Variants in INSYN2B observed in about 807,000 individuals in gnomAD.
INSYN2B encodes the protein inhibitory synaptic factor family member 2B, also known as protein INSYN2B.
Under a neutral mutation model 41.2 loss-of-function variants are expected in INSYN2B, and 16 were observed. That is an observed-to-expected ratio of 0.39 (90% CI 0.26 to 0.59). The LOEUF (loss-of-function observed/expected upper bound fraction) is 0.59. Among genes scored for constraint, INSYN2B ranks in the 20% least tolerant of loss-of-function variants. INSYN2B has a pLI of 0.57. For synonymous variants in INSYN2B, 245 were observed against 244.4 expected (o/e 1.00, Z -0.02); for missense variants, 608 against 646.4 (o/e 0.94, Z 0.64).
chr5:169,971,768 C>A (rs142159689), intron 1 of INSYN2B, among the ~76,000 whole-genome samples: 87 of 152,374 alleles, frequency 5.7e-4, no homozygotes, highest in African/African-American at 2.0e-3. Context: ...CTATTACCTA[C>A]AAATTGAGGA....
intron 1 of INSYN2B, among the ~76,000 whole-genome samples, chr5:169,965,248 A>AT (rs1777253448): frequency 6.6e-6 from 1 of 152,200 alleles, no homozygotes; most frequent in Admixed American, 6.5e-5. Flanking sequence ...CCACCTGCAG[A>AT]TCTTAGAATC....
chr5:169,903,232 G>A (rs166355), intron 1 of INSYN2B, among the ~76,000 whole-genome samples: 79,398 of 149,368 alleles, frequency 0.53, 21,227 homozygotes, highest in Admixed American at 0.6. Context: ...AGCTATGATC[G>A]CACCTATTAA....
intron 1 of INSYN2B, among the ~76,000 whole-genome samples, chr5:169,915,565 C>G (rs1774828542): frequency 7.4e-6 from 1 of 135,664 alleles, no homozygotes; most frequent in East Asian, 2.1e-4. Context: ...GGAACACACA[C>G]ACACACACAC....
At chr5:169,913,110 T>C (rs548775024) in intron 1 of INSYN2B, among the ~76,000 whole-genome samples, 35 of 152,316 alleles carry the variant, frequency 2.3e-4, no homozygotes, top group Admixed American at 2.0e-3. Context: ...TTCCTGTCAT[T>C]TGAAACAGGT....
intron 3 of INSYN2B, among the ~76,000 whole-genome samples, chr5:169,870,573 TTC>T (rs1771892561): frequency 6.6e-6 from 1 of 152,112 alleles, no homozygotes; most frequent in Non-Finnish European, 1.5e-5. Flanking sequence ...GTGGGTTTTT[TTC>T]TTCTTTTTTT....
chr5:169,881,359 G>A lies in INSYN2B; in HGVS notation c.1421+9C>T. ...GTCTACAGAGCAGGCCTCGCTTGTG[G>A]CCAGGTACCTGTATATGATGCACGC... is the stretch of plus-strand genomic sequence containing the variant. On this transcript the variant is annotated intron_variant, in intron 3 of 3. Transcript: ENST00000377365. 1 of 1,550,558 alleles carries A rather than the reference G, an allele frequency of 6.4e-7. No homozygotes were observed. Among genetic ancestry groups the A allele is most frequent in the Non-Finnish European group, 8.7e-7 (1 of 1,146,004 alleles).
intron 3 of INSYN2B, 100 bp from the exon 4 acceptor site, chr5:169,864,559 G>T: frequency 1.0e-6 from 1 of 980,596 alleles, no homozygotes; most frequent in Non-Finnish European, 1.5e-6. Context: ...CATGAGCTTT[G>T]GGATCAAATC....
intron 1 of INSYN2B, among the ~76,000 whole-genome samples, chr5:169,941,541 G>C (rs1221605963): frequency 6.6e-6 from 1 of 152,202 alleles, no homozygotes; most frequent in Non-Finnish European, 1.5e-5. Context: ...GGCTAGAAAG[G>C]AGAGTGCAAG....
intron 1 of INSYN2B, among the ~76,000 whole-genome samples, chr5:169,896,539 G>A (rs1226586748): frequency 3.3e-5 from 5 of 152,224 alleles, no homozygotes; most frequent in Admixed American, 6.5e-5. Flanking sequence ...GAAGCTGGCT[G>A]TAAGATTTAA....
Position 169,863,189 on chromosome 5 carries a change from C to A in INSYN2B, c.*1084G>T, listed in dbSNP as rs1418483668. On this transcript the variant is annotated 3_prime_UTR_variant, in exon 4 of 4. Coordinates refer to ENST00000377365, the MANE Select transcript of INSYN2B (RefSeq NM_001129891.3). Reference sequence around the variant, plus strand: ...ACTTTGGGATGGAAAGATATTTAAACCTCAAATAGAAAAAACTATATCCTC... The same window carrying A: ...ACTTTGGGATGGAAAGATATTTAAAACTCAAATAGAAAAAACTATATCCTC... Among the ~76,000 whole-genome samples, 1 of 152,150 alleles carries A rather than the reference C, an allele frequency of 6.6e-6. No individual in the cohort carries two copies. Among genetic ancestry groups the A allele is most frequent in the Non-Finnish European group, 1.5e-5 (1 of 68,022 alleles).
At chr5:169,949,281 T>C (rs1441629191) in intron 1 of INSYN2B, among the ~76,000 whole-genome samples, 1 of 152,162 alleles carries the variant, frequency 6.6e-6, no homozygotes. Flanking sequence ...CCTCCTGTTC[T>C]TTACTTCCCA....
At chr5:169,964,990 A>G (rs1777241122) in intron 1 of INSYN2B, among the ~76,000 whole-genome samples, 1 of 152,172 alleles carries the variant, frequency 6.6e-6, no homozygotes, top group African/African-American at 2.4e-5. Context: ...GCTCCTTGAG[A>G]GAAGGAGCCA....
intron 1 of INSYN2B, among the ~76,000 whole-genome samples, chr5:169,951,036 C>T (rs528977345): frequency 3.3e-5 from 5 of 152,318 alleles, no homozygotes; most frequent in South Asian, 2.1e-4. Flanking sequence ...CCAGCGTCAC[C>T]GGTCCTGCAT....
chr5:169,959,792 A>G (rs1777009884), intron 1 of INSYN2B, among the ~76,000 whole-genome samples: 2 of 152,208 alleles, frequency 1.3e-5, no homozygotes, highest in Non-Finnish European at 2.9e-5. Context: ...ATCTAGAAGT[A>G]GTTCTGTGGA....
chr5:169,941,139 G>A (rs1402793416), intron 1 of INSYN2B, among the ~76,000 whole-genome samples: 1 of 152,148 alleles, frequency 6.6e-6, no homozygotes, highest in African/African-American at 2.4e-5. Context: ...ACAGGGTGTC[G>A]GGAGAGCAGA....
At chr5:169,974,181 G>A (rs1178975482) in intron 1 of INSYN2B, among the ~76,000 whole-genome samples, 1 of 152,080 alleles carries the variant, frequency 6.6e-6, no homozygotes, top group Non-Finnish European at 1.5e-5. Flanking sequence ...CTGTTCGTTG[G>A]TTTTCTTATC....
intron 1 of INSYN2B, among the ~76,000 whole-genome samples, chr5:169,901,043 G>A (rs1224619553): frequency 6.6e-6 from 1 of 152,164 alleles, no homozygotes; most frequent in Non-Finnish European, 1.5e-5. Flanking sequence ...TTTATAAAAC[G>A]TGCTAGATGT....
intron 3 of INSYN2B, among the ~76,000 whole-genome samples, chr5:169,867,431 G>A (rs59202350): frequency 6.1e-5 from 8 of 131,544 alleles, no homozygotes; most frequent in African/African-American, 2.2e-4. Context: ...CTGTCTGTCT[G>A]TCTGTCTATC....
At chr5:169,903,311 TAAAA>T (rs142632030) in intron 1 of INSYN2B, among the ~76,000 whole-genome samples, 1 of 111,082 alleles carries the variant, frequency 9.0e-6, no homozygotes, top group Non-Finnish European at 1.8e-5. Flanking sequence ...ACAACAACAA[TAAAA>T]AAAAAAAAAA....
Sources: allele counts gnomAD v4.1 joint callset (sites outside exome capture counted in the v4.1 genomes callset), GRCh38; gene constraint gnomAD v4.1.1; transcripts MANE v1.5; gene names NCBI Gene and HGNC (gene_info 2026-07-23, HGNC 2026-07-21).